LRMDA: variants seen among roughly 807,000 people sequenced by gnomAD.
LRMDA encodes leucine-rich melanocyte differentiation-associated protein.
LRMDA carries 18 observed loss-of-function variants against 29.8 expected under a neutral mutation model. The observed-to-expected ratio is 0.60, with a 90% CI of 0.42 to 0.90. LRMDA has a LOEUF of 0.90. LRMDA is among the 40% of genes least tolerant of loss of function. The probability of loss-of-function intolerance (pLI) is 0.00; values close to 1 mark genes in which losing one functional copy is unlikely to be tolerated. For synonymous variants in LRMDA, 125 were observed against 109.4 expected (o/e 1.14, Z -0.89); for missense variants, 273 against 273.9 (o/e 1.00, Z 0.02).
intron 2 of LRMDA, among the ~76,000 whole-genome samples, chr10:75,662,037 G>A (rs1841759842): frequency 6.6e-6 from 1 of 151,912 alleles, no homozygotes; most frequent in African/African-American, 2.4e-5. Flanking sequence ...GAAACAGAAG[G>A]AAAAATGTAA....
chr10:76,454,228 AAGAT>A (rs1469610532), intron 6 of LRMDA, among the ~76,000 whole-genome samples: 1 of 152,218 alleles, frequency 6.6e-6, no homozygotes, highest in East Asian at 1.9e-4. Context: ...ATGGAGGAGA[AAGAT>A]AGACAAAACG....
chr10:75,621,558 T>C (rs2132106929), intron 2 of LRMDA, among the ~76,000 whole-genome samples: 1 of 152,292 alleles, frequency 6.6e-6, no homozygotes, highest in Admixed American at 6.5e-5. Context: ...TGCCCAGTGT[T>C]GCTTCGTGTG....
chr10:75,525,445 G>A (rs1845402471), intron 2 of LRMDA, among the ~76,000 whole-genome samples: 1 of 152,092 alleles, frequency 6.6e-6, no homozygotes, highest in Non-Finnish European at 1.5e-5. Flanking sequence ...TTCTAGAGCT[G>A]GTAATGAAAA....
chr10:75,472,297 A>C (rs1405384265), intron 2 of LRMDA, among the ~76,000 whole-genome samples: 2 of 152,204 alleles, frequency 1.3e-5, no homozygotes, highest in Non-Finnish European at 2.9e-5. Context: ...CAGGTAATGA[A>C]GGAGGCAGAA....
intron 6 of LRMDA, among the ~76,000 whole-genome samples, chr10:76,344,566 G>T (rs768379238): frequency 1.3e-5 from 2 of 152,030 alleles, no homozygotes; most frequent in Admixed American, 6.6e-5. Context: ...TGGAAAATAT[G>T]CAAAGATAAT....
At chr10:75,504,835 G>A (rs929492815) in intron 2 of LRMDA, among the ~76,000 whole-genome samples, 3 of 152,158 alleles carry the variant, frequency 2.0e-5, no homozygotes, top group African/African-American at 7.2e-5. Context: ...AAGAACAGTG[G>A]GAAACATTGG....
chr10:76,217,880 A>G (rs930116580), intron 5 of LRMDA, among the ~76,000 whole-genome samples: 2 of 152,084 alleles, frequency 1.3e-5, no homozygotes, highest in African/African-American at 4.8e-5. Flanking sequence ...GTTCTTAGGG[A>G]GTCCTTTGGC....
At chr10:76,411,069 T>C (rs1841956121) in intron 6 of LRMDA, among the ~76,000 whole-genome samples, 2 of 152,108 alleles carry the variant, frequency 1.3e-5, no homozygotes, top group Admixed American at 1.3e-4. Context: ...CATTTACCTG[T>C]TGTTGTTTTT....
At chr10:76,148,654 C>T (rs557310304) in intron 5 of LRMDA, among the ~76,000 whole-genome samples, 1 of 152,276 alleles carries the variant, frequency 6.6e-6, no homozygotes, top group South Asian at 2.1e-4. Flanking sequence ...TGAGGCGATG[C>T]CTTCCCCTGC....
chr10:75,690,846 ACCTACAGT>A (rs1269393104), intron 2 of LRMDA, among the ~76,000 whole-genome samples: 1 of 150,828 alleles, frequency 6.6e-6, no homozygotes, highest in Admixed American at 6.6e-5. Context: ...GGCGGTGTGC[ACCTACAGT>A]CCTAGCTACT....
intron 2 of LRMDA, among the ~76,000 whole-genome samples, chr10:75,760,943 C>T (rs758493094): frequency 6.6e-6 from 1 of 152,072 alleles, no homozygotes; most frequent in Non-Finnish European, 1.5e-5. Context: ...CTGCCTTCAA[C>T]AAGAGAATGA....
At chr10:76,130,139 C>G (rs932491357) in intron 5 of LRMDA, among the ~76,000 whole-genome samples, 1 of 145,404 alleles carries the variant, frequency 6.9e-6, no homozygotes. Context: ...TTGGACACTT[C>G]TTGACTACTG....
At chr10:75,691,228 ATG>A (rs951387569) in intron 2 of LRMDA, among the ~76,000 whole-genome samples, 121 of 139,062 alleles carry the variant, frequency 8.7e-4, no homozygotes, top group Middle Eastern at 3.7e-3. Flanking sequence ...ATACACATAT[ATG>A]TGTGTGTGTG....
intron 5 of LRMDA, among the ~76,000 whole-genome samples, chr10:76,281,614 T>C (rs986246971): frequency 6.6e-6 from 1 of 152,018 alleles, no homozygotes; most frequent in African/African-American, 2.4e-5. Flanking sequence ...CAAAGAGACA[T>C]GGTTAAAGCA....
At chr10:75,637,106 G>A (rs1478306708) in intron 2 of LRMDA, among the ~76,000 whole-genome samples, 3 of 152,184 alleles carry the variant, frequency 2.0e-5, no homozygotes, top group Non-Finnish European at 2.9e-5. Flanking sequence ...CTGGTAGAGT[G>A]GAGATTTGAA....
At chr10:76,208,675 G>A (rs1851581138) in intron 5 of LRMDA, among the ~76,000 whole-genome samples, 1 of 152,128 alleles carries the variant, frequency 6.6e-6, no homozygotes, top group African/African-American at 2.4e-5. Flanking sequence ...ATTGCATTCA[G>A]CAGTGAAGCC....
rs112676064 is a variant in LRMDA, at chr10:76,036,098, A to G, written c.222A>G (p.Leu74=). Reference sequence around the variant, plus strand: ...GGGACGACCTTGTGTTGCCAGGGTTACCCAGACTGCATACCTTAACCCTCA... The same window carrying G: ...GGGACGACCTTGTGTTGCCAGGGTTGCCCAGACTGCATACCTTAACCCTCA... ...QLGDDLVLPG[L]PRLHTLTLNK... The change falls in exon 3 of 7, where the codon TTA becomes TTG. Residue 74 remains leucine, a synonymous_variant. Coordinates refer to ENST00000611255, the MANE Select transcript of LRMDA (RefSeq NM_001305581.2). 1,337 of 1,614,002 alleles carry G rather than the reference A, an allele frequency of 8.3e-4. 13 individuals are homozygous for G. In the African/African-American group the frequency reaches 0.016, roughly 19 times the overall value.
chr10:76,515,186 T>C (rs1046443333), intron 6 of LRMDA, among the ~76,000 whole-genome samples: 1 of 152,328 alleles, frequency 6.6e-6, no homozygotes. Flanking sequence ...ACTTCACTTA[T>C]GGGACTTAAT....
At chr10:76,245,985 G>A (rs1286282035) in intron 5 of LRMDA, among the ~76,000 whole-genome samples, 3 of 152,048 alleles carry the variant, frequency 2.0e-5, no homozygotes, top group African/African-American at 4.8e-5. Context: ...TGTATTACAC[G>A]GTATATGCCA....
Sources: allele counts gnomAD v4.1 joint callset (sites outside exome capture counted in the v4.1 genomes callset), GRCh38; gene constraint gnomAD v4.1.1; transcripts MANE v1.5; gene names NCBI Gene and HGNC (gene_info 2026-07-23, HGNC 2026-07-21).